Variants in R3HCC1L observed in about 807,000 individuals in gnomAD.
R3HCC1L encodes the protein coiled-coil domain-containing protein R3HCC1L.
Under a neutral mutation model 59.9 loss-of-function variants are expected in R3HCC1L, and 51 were observed. The observed-to-expected ratio is 0.85, with a 90% CI of 0.68 to 1.07. The LOEUF is 1.07. Ranked by LOEUF, R3HCC1L falls within the 50% of genes least tolerant of loss-of-function variation. The pLI is 0.00. For missense variants in R3HCC1L, 965 were observed against 933.0 expected, an observed-to-expected ratio of 1.03 and a Z score of -0.45; for synonymous variants, 322 against 315.2, an observed-to-expected ratio of 1.02 and a Z score of -0.23.
chr10:98,211,700 G>A (rs1228111372), intron 5 of R3HCC1L, among the ~76,000 whole-genome samples: 1 of 152,050 alleles, frequency 6.6e-6, no homozygotes, highest in Non-Finnish European at 1.5e-5. Context: ...TTATCCAATG[G>A]ATGGCGTTGA....
intron 2 of R3HCC1L, among the ~76,000 whole-genome samples, chr10:98,162,113 T>TC (rs1455453699): frequency 6.6e-6 from 1 of 152,198 alleles, no homozygotes; most frequent in Admixed American, 6.5e-5. Flanking sequence ...CTTTTTTTTT[T>TC]CAGCTCAATA....
chr10:98,198,486 A>G (rs747464039), intron 4 of R3HCC1L, among the ~76,000 whole-genome samples: 86 of 39,064 alleles, frequency 2.2e-3, no homozygotes, highest in Non-Finnish European at 7.7e-4. Context: ...TAATATGCAA[A>G]GAAATGATTT....
At chr10:98,140,534 G>A (rs560292557) in intron 1 of R3HCC1L, among the ~76,000 whole-genome samples, 15 of 152,280 alleles carry the variant, frequency 9.9e-5, no homozygotes, top group African/African-American at 3.6e-4. Context: ...GGTAATCAGA[G>A]ATGTAGACAG....
intron 5 of R3HCC1L, among the ~76,000 whole-genome samples, chr10:98,211,710 A>G (rs563801814): frequency 6.6e-6 from 1 of 152,208 alleles, no homozygotes; most frequent in South Asian, 2.1e-4. Context: ...GATGGCGTTG[A>G]TAGGGCAGAG....
intron 4 of R3HCC1L, among the ~76,000 whole-genome samples, chr10:98,175,834 G>A (rs1380501617): frequency 6.6e-6 from 1 of 152,020 alleles, no homozygotes; most frequent in Non-Finnish European, 1.5e-5. Context: ...TGCTTTTGAT[G>A]TTGTATCTAA....
In R3HCC1L at chr10:98,155,448, A is replaced by G. The variant is rs188873737; in HGVS notation, c.-267-645A>G. 1.5e-3 allele frequency among the ~76,000 whole-genome samples: 233 copies of G among 152,244 alleles called. 1 individual carries two copies. The highest frequency in any genetic ancestry group is 7.4e-3 in the Admixed American group (114 of 15,306). On this transcript the variant is annotated intron_variant, in intron 1 of 9. Coordinates refer to ENST00000298999, the MANE Select transcript of R3HCC1L (RefSeq NM_001351015.2). Reference sequence around the variant, plus strand: ...ATAAAGATCTTCTAACAAAAAGGAAACTTTTTCTGTAGGATGTTCTGTCCC... The same window carrying G: ...ATAAAGATCTTCTAACAAAAAGGAAGCTTTTTCTGTAGGATGTTCTGTCCC...
At chr10:98,167,142 A>G (rs545674275) in intron 4 of R3HCC1L, among the ~76,000 whole-genome samples, 7 of 152,094 alleles carry the variant, frequency 4.6e-5, no homozygotes, top group African/African-American at 1.7e-4. Flanking sequence ...TAAATACCTG[A>G]GCCATGTTCG....
intron 5 of R3HCC1L, among the ~76,000 whole-genome samples, chr10:98,217,424 A>G (rs148531677): frequency 3.9e-5 from 6 of 152,222 alleles, no homozygotes; most frequent in African/African-American, 9.6e-5. Flanking sequence ...ACAGCTTTAC[A>G]GTATTTTTTG....
chr10:98,236,177 G>T lies in R3HCC1L; in HGVS notation c.2269+13G>T. On this transcript the variant is annotated intron_variant, in intron 9 of 9. Coordinates refer to ENST00000298999, the MANE Select transcript of R3HCC1L (RefSeq NM_001351015.2). The stretch of plus-strand genomic sequence containing the variant: ...CAAGAAGCCAGAGGTGAGCTGAAAG[G>T]GTGGTGTTCTTCTCTAGGCCCTTCA... 2 of 1,613,042 alleles carry T rather than the reference G, an allele frequency of 1.2e-6. No homozygotes were observed. The highest frequency in any genetic ancestry group is 1.7e-6 in the Non-Finnish European group (2 of 1,179,588).
intron 5 of R3HCC1L, among the ~76,000 whole-genome samples, chr10:98,229,015 T>C (rs368263604): frequency 1.7e-4 from 26 of 152,132 alleles, no homozygotes; most frequent in African/African-American, 5.3e-4. Flanking sequence ...AGTCAGGTAG[T>C]GTGATGCCTC....
At chr10:98,193,933 A>G (rs1452739051) in intron 4 of R3HCC1L, among the ~76,000 whole-genome samples, 2 of 152,204 alleles carry the variant, frequency 1.3e-5, no homozygotes, top group Non-Finnish European at 2.9e-5. Flanking sequence ...GAGTCAGAAC[A>G]ATCTCTGTCA....
chr10:98,222,367 T>G (rs959995752), intron 5 of R3HCC1L, among the ~76,000 whole-genome samples: 2 of 151,936 alleles, frequency 1.3e-5, no homozygotes, highest in Non-Finnish European at 2.9e-5. Context: ...TGAATACCCT[T>G]TATTTCCTTC....
At chr10:98,144,031 C>T (rs1016271600) in intron 1 of R3HCC1L, among the ~76,000 whole-genome samples, 6 of 151,950 alleles carry the variant, frequency 3.9e-5, no homozygotes, top group East Asian at 1.9e-4. Flanking sequence ...TATAGTGGGT[C>T]GGGGCAGTGG....
Position 98,208,502 on chromosome 10 carries a change from G to A in R3HCC1L, c.388G>A (p.Val130Ile). 6.2e-7 allele frequency: 1 copy of A among 1,614,182 alleles called. No individual in the cohort carries two copies. The highest frequency in any genetic ancestry group is 2.2e-5 in the East Asian group (1 of 44,874). Residue 130 changes from valine to isoleucine, a missense_variant, in exon 5 of 10, where the codon GTT becomes ATT. By Grantham distance (29) the Val-to-Ile change is conservative. Coordinates refer to ENST00000298999, the MANE Select transcript of R3HCC1L (RefSeq NM_001351015.2). ...ACAGCAGGGAGCCCCAAATGCTGGG[G>A]TTATAACTAATGCACCTTTGCAGAG... is the stretch of plus-strand genomic sequence containing the variant. ...GQQQGAPNAG[V>I]ITNAPLQRHF...
rs777581481 is a variant in R3HCC1L at position 98,163,448 on chromosome 10, C to G, written c.-15+51C>G. On this transcript the variant is annotated intron_variant, in intron 4 of 9. Coordinates refer to ENST00000298999, the MANE Select transcript of R3HCC1L (RefSeq NM_001351015.2). ...TTTATAGAAATACTGTCTGTTTACT[C>G]TAAAGATTTGTTTGCTTGTATTTTG... 3 of 1,105,342 alleles carry G rather than the reference C, an allele frequency of 2.7e-6. No homozygotes were observed. In the African/African-American group the frequency reaches 4.8e-5, roughly 18 times the overall value. 68.5% of individuals were successfully genotyped at this position (1,105,342 alleles called of 1,614,324 possible).
intron 4 of R3HCC1L, among the ~76,000 whole-genome samples, chr10:98,188,034 A>G (rs1214876941): frequency 6.6e-6 from 1 of 152,046 alleles, no homozygotes; most frequent in East Asian, 1.9e-4. Context: ...AGGACCCATT[A>G]TACTTGGCCA....
intron 1 of R3HCC1L, among the ~76,000 whole-genome samples, chr10:98,137,438 G>T: frequency 6.6e-6 from 1 of 152,146 alleles, no homozygotes; most frequent in East Asian, 1.9e-4. Flanking sequence ...TCATTATTTT[G>T]TTGCTGTTGT....
intron 2 of R3HCC1L, among the ~76,000 whole-genome samples, chr10:98,162,589 T>G (rs1046325263): frequency 6.6e-6 from 1 of 152,186 alleles, no homozygotes; most frequent in Non-Finnish European, 1.5e-5. Flanking sequence ...ACTTACTGAG[T>G]ATCCACCATG....
chr10:98,165,272 CAA>C (rs1847829069), intron 4 of R3HCC1L, among the ~76,000 whole-genome samples: 1 of 152,098 alleles, frequency 6.6e-6, no homozygotes, highest in Non-Finnish European at 1.5e-5. Flanking sequence ...CTCAAAAAAT[CAA>C]ATAACAAAAA....
Sources: gnomAD v4.1 joint callset for allele counts (sites outside exome capture counted in the v4.1 genomes callset) on GRCh38, gnomAD v4.1.1 for gene constraint, MANE v1.5 for transcripts, NCBI Gene and HGNC (gene_info 2026-07-23, HGNC 2026-07-21) for gene names.